The following DPY19L1 variants were observed in gnomAD, a reference collection of about 807,000 sequenced individuals.
DPY19L1 encodes dpy-19 like C-mannosyltransferase 1.
Under a neutral mutation model 96.9 loss-of-function variants are expected in DPY19L1, and 35 were observed. The ratio of observed to expected loss-of-function variants is 0.36; its 90% CI spans 0.28 to 0.48. The LOEUF is 0.48. Ranked by LOEUF, DPY19L1 falls within the 20% of genes least tolerant of loss-of-function variation. The pLI is 0.99. For synonymous variants in DPY19L1, 205 were observed against 252.6 expected, an observed-to-expected ratio of 0.81 and a Z score of 1.79; for missense variants, 521 against 777.9, an observed-to-expected ratio of 0.67 and a Z score of 3.93.
chr7:34,938,694 T>A (rs60463029), intron 20 of DPY19L1, among the ~76,000 whole-genome samples: 2 of 152,222 alleles, frequency 1.3e-5, no homozygotes, highest in East Asian at 3.9e-4. Flanking sequence ...CCTAATCACT[T>A]AGAAAATGAA....
chr7:35,023,127 G>A (rs185115641), intron 1 of DPY19L1, among the ~76,000 whole-genome samples: 80 of 152,218 alleles, frequency 5.3e-4, no homozygotes, highest in Middle Eastern at 3.4e-3. Flanking sequence ...TGGAAAGGAC[G>A]AAGACACTGA....
intron 6 of DPY19L1, among the ~76,000 whole-genome samples, chr7:34,997,734 A>T (rs1395729670): frequency 2.0e-5 from 3 of 152,024 alleles, no homozygotes; most frequent in African/African-American, 4.8e-5. Flanking sequence ...TGATTTTTTT[A>T]AAATAAAGAA....
rs1783736017 is a variant in DPY19L1 at position 34,930,759 on chromosome 7, A to G, written c.*814T>C. 1 of 152,326 alleles carries G rather than the reference A, an allele frequency of 6.6e-6. No individual in the cohort carries two copies. Among genetic ancestry groups the G allele is most frequent in the South Asian group, 2.1e-4 (1 of 4,818 alleles). 9.4% of individuals were successfully genotyped at this position (152,326 alleles called of 1,614,324 possible). A position where few individuals can be genotyped will look rare whatever the true frequency, so the allele number is the denominator to read the frequency against. ...AAGGTATTAAAATATAAACATTTGA[A>G]TAATGCTAAAAATGAGAAAAATACA... On this transcript the variant is annotated 3_prime_UTR_variant, in exon 22 of 22. Transcript: ENST00000638088.
At chr7:34,952,152 C>T (rs1258279963) in intron 13 of DPY19L1, among the ~76,000 whole-genome samples, 1 of 149,204 alleles carries the variant, frequency 6.7e-6, no homozygotes, top group East Asian at 2.0e-4. Context: ...CACAACAGCT[C>T]TTAATAGAAG....
At chr7:35,026,983 G>T (rs985092025) in intron 1 of DPY19L1, among the ~76,000 whole-genome samples, 2 of 152,076 alleles carry the variant, frequency 1.3e-5, no homozygotes, top group Admixed American at 6.5e-5. Context: ...GATACCTGAG[G>T]TCAGGAGTTC....
chr7:34,934,891 G>A (rs1001429430), intron 21 of DPY19L1, among the ~76,000 whole-genome samples: 2 of 152,180 alleles, frequency 1.3e-5, no homozygotes, highest in Non-Finnish European at 2.9e-5. Context: ...CCGGGGGCTT[G>A]GAGACCCCTG....
intron 17 of DPY19L1, among the ~76,000 whole-genome samples, chr7:34,942,385 T>G (rs1328441832): frequency 6.6e-6 from 1 of 152,224 alleles, no homozygotes; most frequent in African/African-American, 2.4e-5. Context: ...AGAAATCAAC[T>G]GCCATTAGTG....
At chr7:34,977,091 A>G (rs945405549) in intron 7 of DPY19L1, among the ~76,000 whole-genome samples, 10 of 152,188 alleles carry the variant, frequency 6.6e-5, no homozygotes, top group African/African-American at 2.4e-4. Flanking sequence ...TAAGGTATGT[A>G]CATTGTTTTT....
intron 3 of DPY19L1, among the ~76,000 whole-genome samples, chr7:35,017,298 C>A (rs1226583693): frequency 1.3e-5 from 2 of 151,000 alleles, no homozygotes; most frequent in African/African-American, 2.4e-5. Flanking sequence ...TCGAGACCAT[C>A]CTGGCTAACA....
chr7:34,981,884 A>T (rs1784947584), intron 7 of DPY19L1, among the ~76,000 whole-genome samples: 2 of 152,200 alleles, frequency 1.3e-5, no homozygotes, highest in Non-Finnish European at 2.9e-5. Flanking sequence ...CGGGAGGCAG[A>T]GGCTACAGTG....
intron 6 of DPY19L1, among the ~76,000 whole-genome samples, chr7:35,006,634 G>A (rs1400425043): frequency 6.6e-6 from 1 of 151,972 alleles, no homozygotes; most frequent in South Asian, 2.1e-4. Context: ...AATTAACAAT[G>A]AGTATTTTAA....
Position 34,989,900 on chromosome 7 carries a change from A to C in DPY19L1, c.806T>G (p.Phe269Cys). Reference sequence around the variant, plus strand: ...ATTACCTACCTCTCCATGATTGAAAAAGAAGCACAACACTGTAACCAGGCC... The same window carrying C: ...ATTACCTACCTCTCCATGATTGAAACAGAAGCACAACACTGTAACCAGGCC... The part of the protein sequence containing the change: ...LGGLVTVLCF[F>C]FNHGECTRVM... Residue 269 changes from phenylalanine (F) to cysteine (C), a missense_variant, in exon 7 of 22, where the codon TTT (phenylalanine) becomes TGT (cysteine). By Grantham distance (205) the Phe-to-Cys change is radical (BLOSUM62 -2). Transcript: ENST00000638088. 1 of 1,605,654 alleles carries C rather than the reference A, an allele frequency of 6.2e-7. No homozygotes were observed. The highest frequency in any genetic ancestry group is 8.5e-7 in the Non-Finnish European group (1 of 1,177,404).
At chr7:35,004,022 C>T (rs1785493149) in intron 6 of DPY19L1, among the ~76,000 whole-genome samples, 2 of 152,360 alleles carry the variant, frequency 1.3e-5, no homozygotes, top group East Asian at 1.9e-4. Context: ...TGGCTCCTAG[C>T]CCTTCTCCTT....
intron 13 of DPY19L1, among the ~76,000 whole-genome samples, chr7:34,954,067 T>C (rs1348835105): frequency 1.3e-5 from 2 of 152,204 alleles, no homozygotes; most frequent in African/African-American, 4.8e-5. Context: ...TTGGTTCTTG[T>C]GCTGCTTTTT....
chr7:34,964,248 T>C (rs1223998721), intron 10 of DPY19L1, among the ~76,000 whole-genome samples: 2 of 152,150 alleles, frequency 1.3e-5, no homozygotes, highest in South Asian at 2.1e-4. Flanking sequence ...GTATGTATCA[T>C]TTACCCAAAG....
chr7:35,030,671 GA>G (rs1161875354), intron 1 of DPY19L1, among the ~76,000 whole-genome samples: 1 of 151,752 alleles, frequency 6.6e-6, no homozygotes, highest in Non-Finnish European at 1.5e-5. Context: ...GAGCTCTCAG[GA>G]AAAAAATAAT....
rs567104360 is a variant in DPY19L1 at position 34,942,723 on chromosome 7, A to G, written c.1545-84T>C. 2.6e-6 allele frequency: 3 copies of G among 1,171,848 alleles called. No homozygotes were observed. The South Asian group carries it at 4.2e-5, about 16-fold the overall frequency. The allele number at this position is 1,171,848 out of a possible 1,614,324, so 72.6% of individuals were successfully genotyped here. A position where few individuals can be genotyped will look rare whatever the true frequency, so the allele number is the denominator to read the frequency against. ...TTTGCATTTTCATCTTGCAAACAGG[A>G]GTTTTACAACTTCTATAACATTCTC... On this transcript the variant is annotated intron_variant, in intron 16 of 21. Transcript: ENST00000638088.
intron 8 of DPY19L1, among the ~76,000 whole-genome samples, chr7:34,970,469 A>T (rs1439644846): frequency 6.6e-6 from 1 of 152,172 alleles, no homozygotes; most frequent in Non-Finnish European, 1.5e-5. Flanking sequence ...CAGAATATAT[A>T]TGACTATATC....
chr7:35,014,351 T>G (rs1785788385), intron 3 of DPY19L1, among the ~76,000 whole-genome samples: 1 of 151,768 alleles, frequency 6.6e-6, no homozygotes, highest in South Asian at 2.1e-4. Flanking sequence ...GTTTTTAGCT[T>G]GGCACACTAC....
Sources: allele counts gnomAD v4.1 joint callset (sites outside exome capture counted in the v4.1 genomes callset), GRCh38; gene constraint gnomAD v4.1.1; transcripts MANE v1.5; gene names NCBI Gene and HGNC (gene_info 2026-07-23, HGNC 2026-07-21).